The following A2ML1 variants were observed in gnomAD, a reference collection of about 807,000 sequenced individuals.
A2ML1 encodes alpha-2-macroglobulin like 1.
A2ML1 carries 161 observed loss-of-function variants against 181.9 expected under a neutral mutation model. The observed-to-expected ratio is 0.89, with a 90% CI of 0.78 to 1.01. The LOEUF is 1.01. A2ML1 is among the 50% of genes least tolerant of loss of function. The pLI, the probability that A2ML1 is intolerant of heterozygous loss-of-function variation, is 0.00. For missense variants in A2ML1, 1,670 were observed against 1,768.1 expected, an observed-to-expected ratio of 0.94 and a Z score of 1.00; for synonymous variants, 663 against 666.8, an observed-to-expected ratio of 0.99 and a Z score of 0.09.
intron 14 of A2ML1, 22 bp from the exon 15 acceptor site, chr12:8,847,527 G>C: frequency 6.3e-7 from 1 of 1,597,960 alleles, no homozygotes. Context: ...TGATCCCCAA[G>C]TTATACCTTT....
In A2ML1 at chr12:8,857,567, G is replaced by C. The variant is rs762232957; in HGVS notation, c.3086G>C (p.Arg1029Pro). ...GGCTCATACAGTGCCTTTGGGGAGC[G>C]AGATGGAAATGGAAACACATGGTAA... is the stretch of plus-strand genomic sequence containing the variant. Reference protein sequence around the residue: ...SNGSYSAFGERDGNGNTWLTA... With the variant: ...SNGSYSAFGEPDGNGNTWLTA... Residue 1029 changes from arginine to proline, a missense_variant, in exon 25 of 36, where the codon CGA becomes CCA. Transcript: ENST00000299698. 1.2e-6 allele frequency: 2 copies of C among 1,611,702 alleles called. No homozygotes were observed. Among genetic ancestry groups the C allele is most frequent in the Non-Finnish European group, 1.7e-6 (2 of 1,179,012 alleles).
intron 33 of A2ML1, 95 bp downstream of exon 33, chr12:8,869,298 G>T: frequency 3.9e-6 from 5 of 1,290,832 alleles, no homozygotes; most frequent in South Asian, 3.7e-5. Flanking sequence ...CACACATGGG[G>T]ATGAGGGGCC....
At position 8,851,925 on chromosome 12, in the gene A2ML1, T is replaced by C; in HGVS notation, c.2376T>C (p.Val792=). 1 of 1,614,216 alleles carries C rather than the reference T, an allele frequency of 6.2e-7. No individual in the cohort carries two copies. The highest frequency in any genetic ancestry group is 8.5e-7 in the Non-Finnish European group (1 of 1,180,040). The change falls in exon 19 of 36, where the codon GTT becomes GTC. Residue 792 remains valine (V), a synonymous_variant. Transcript: ENST00000299698. ...VGLTAFKPFF[V]DLTLPYSVVR... Reference sequence around the variant, plus strand: ...TAACTGCTTTCAAGCCGTTCTTTGTTGACCTGACTCTCCCTTACTCAGTAG... The same window carrying C: ...TAACTGCTTTCAAGCCGTTCTTTGTCGACCTGACTCTCCCTTACTCAGTAG...
In A2ML1 at chr12:8,868,571, A is replaced by G. The variant is rs1483959396; in HGVS notation, c.4096A>G (p.Ile1366Val). The change falls in exon 32 of 36, where the codon ATT becomes GTT. Residue 1366 changes from isoleucine (I) to valine (V), a missense_variant. Physicochemically the swap from Ile to Val is conservative, Grantham distance 29. Transcript: ENST00000299698. ...VGSRSSSNMA[I>V]VEVKMLSGFS... ...GAGCCGTAGCTCTTCCAATATGGCT[A>G]TTGTGGAAGTGAAGATGCTATCTGG... is the stretch of plus-strand genomic sequence containing the variant. The G allele has an allele frequency of 5.0e-6, 8 of 1,613,696 alleles. No homozygotes were observed. In the East Asian group the frequency reaches 6.7e-5, roughly 13 times the overall value.
Position 8,841,453 on chromosome 12 carries a change from C to T in A2ML1, c.1165C>T (p.Gln389Ter). ...TTATGGCACAAATGGAACCTTCAAC[C>T]AGACCCTGGTTACTGATAACAATGG... is the stretch of plus-strand genomic sequence containing the variant. ...VIYGTNGTFN[Q>*]TLVTDNNGLA... Residue 389 changes from glutamine to a stop codon, truncating the protein, a stop_gained, in exon 11 of 36, where the codon CAG becomes TAG. Coordinates refer to ENST00000299698, the MANE Select transcript of A2ML1 (RefSeq NM_144670.6). LOFTEE classifies it high-confidence loss of function. The T allele has an allele frequency of 2.5e-6, 4 of 1,614,160 alleles. No individual in the cohort carries two copies. The East Asian group carries it at 8.9e-5, about 36-fold the overall frequency.
intron 3 of A2ML1, among the ~76,000 whole-genome samples, chr12:8,828,560 C>G (rs1260821867): frequency 6.6e-6 from 1 of 152,152 alleles, no homozygotes; most frequent in South Asian, 2.1e-4. Flanking sequence ...CAGCCCATAA[C>G]TGGCGACCCC....
chr12:8,845,812 T>C (rs1453309046), intron 13 of A2ML1, among the ~76,000 whole-genome samples: 3 of 148,502 alleles, frequency 2.0e-5, no homozygotes, highest in African/African-American at 5.0e-5. Flanking sequence ...ATCATGCCAC[T>C]GCGCTCCAGC....
intron 18 of A2ML1, among the ~76,000 whole-genome samples, chr12:8,851,234 G>A (rs1412714709): frequency 1.3e-5 from 2 of 152,036 alleles, no homozygotes; most frequent in Non-Finnish European, 2.9e-5. Context: ...GACTCAGAGG[G>A]CACCAGCCTC....
At chr12:8,873,457 A>C (rs893009066) in intron 33 of A2ML1, among the ~76,000 whole-genome samples, 1 of 152,176 alleles carries the variant, frequency 6.6e-6, no homozygotes, top group Non-Finnish European at 1.5e-5. Flanking sequence ...TATTTACTGA[A>C]CAACCAACAT....
At chr12:8,850,432 A>G (rs188720182) in intron 18 of A2ML1, among the ~76,000 whole-genome samples, 158 bp downstream of exon 18, 1 of 152,098 alleles carries the variant, frequency 6.6e-6, no homozygotes, top group African/African-American at 2.4e-5. Context: ...AAAAGAAATT[A>G]AAAAAATAGC....
chr12:8,863,874 G>A lies in A2ML1; in HGVS notation c.3583G>A (p.Glu1195Lys). Reference sequence around the variant, plus strand: ...GTCTGAGCCTGCGGCTGTAGATGTGGAACTCACAGCATATGCATTGTTGGC... The same window carrying A: ...GTCTGAGCCTGCGGCTGTAGATGTGAAACTCACAGCATATGCATTGTTGGC... ...PWSEPAAVDV[E>K]LTAYALLAQL... Residue 1195 changes from glutamate to lysine, a missense_variant, in exon 29 of 36, where the codon GAA becomes AAA. Transcript: ENST00000299698. 2 of 1,614,186 alleles carry A rather than the reference G, an allele frequency of 1.2e-6. No individual in the cohort carries two copies. Among genetic ancestry groups the A allele is most frequent in the Non-Finnish European group, 1.7e-6 (2 of 1,180,026 alleles).
downstream of A2ML1, chr12:8,880,734 T>C (rs373009980): frequency 6.6e-6 from 1 of 152,222 alleles, no homozygotes; most frequent in South Asian, 2.1e-4. Flanking sequence ...ACCAGACAAT[T>C]ACACAGGTGG....
intron 12 of A2ML1, 133 bp downstream of exon 12, chr12:8,843,494 C>T: frequency 2.7e-6 from 2 of 746,928 alleles, no homozygotes; most frequent in Non-Finnish European, 4.1e-6. Context: ...TAAAGCCACA[C>T]TAAAAAAGTA....
chr12:8,841,059 C>T (rs1943464117), intron 10 of A2ML1, among the ~76,000 whole-genome samples: 1 of 142,312 alleles, frequency 7.0e-6, no homozygotes, highest in African/African-American at 2.7e-5. Context: ...AGCAAAACAA[C>T]GTGCAGAACC....
chr12:8,868,422 T>TTG (rs150983014), intron 31 of A2ML1, 65 bp downstream of exon 31: 107 of 1,438,168 alleles, frequency 7.4e-5, no homozygotes, highest in East Asian at 2.8e-4. Flanking sequence ...GCTGGGACAC[T>TTG]TGTGTGTGTG....
At position 8,850,230 on chromosome 12, in the gene A2ML1, C is replaced by T; in HGVS notation, c.2190C>T (p.Arg730=). 6.2e-7 allele frequency: 1 copy of T among 1,613,376 alleles called. No homozygotes were observed. The highest frequency in any genetic ancestry group is 8.5e-7 in the Non-Finnish European group (1 of 1,179,766). The change falls in exon 18 of 36, where the codon CGC becomes CGT. Residue 730 remains arginine (R), a synonymous_variant. Coordinates refer to ENST00000299698, the MANE Select transcript of A2ML1 (RefSeq NM_144670.6). ...PLHQAEDSQV[R]QYFPETWLWD... ...ATCAAGCAGAGGATTCTCAGGTCCG[C>T]CAGTACTTCCCAGAGACCTGGCTCT... is the stretch of plus-strand genomic sequence containing the variant.
At position 8,835,545 on chromosome 12, in the gene A2ML1, G is replaced by C; in HGVS notation, c.522G>C (p.Val174=). Residue 174 remains valine (V), a synonymous_variant, in exon 6 of 36, where the codon GTG becomes GTC. Coordinates refer to ENST00000299698, the MANE Select transcript of A2ML1 (RefSeq NM_144670.6). ...ACAGGATTGCACAGTGGCTGGAAGTGGTACCTGAGCAAGGCATTGTAGACC... is the reference window on the plus strand; with the variant it reads ...ACAGGATTGCACAGTGGCTGGAAGTCGTACCTGAGCAAGGCATTGTAGACC... ...NSNRIAQWLE[V]VPEQGIVDLS... 6.2e-7 allele frequency: 1 copy of C among 1,614,204 alleles called. No individual in the cohort carries two copies. The highest frequency in any genetic ancestry group is 8.5e-7 in the Non-Finnish European group (1 of 1,180,040).
rs891473133 is a variant in A2ML1 at position 8,846,359 on chromosome 12, T to G, written c.1683+137T>G. 4.9e-6 allele frequency: 5 copies of G among 1,028,132 alleles called. No individual in the cohort carries two copies. The African/African-American group carries it at 8.1e-5, about 17-fold the overall frequency. 63.7% of individuals were successfully genotyped at this position (1,028,132 alleles called of 1,614,324 possible). On this transcript the variant is annotated intron_variant, in intron 14 of 35. Coordinates refer to ENST00000299698, the MANE Select transcript of A2ML1 (RefSeq NM_144670.6). Reference sequence around the variant, plus strand: ...GGATGTTGTATTATATTTATATCTTTAGTGTTTGGGGTTTGTGTTGAAATC... The same window carrying G: ...GGATGTTGTATTATATTTATATCTTGAGTGTTTGGGGTTTGTGTTGAAATC...
intron 12 of A2ML1, chr12:8,844,994 T>C: frequency 7.1e-7 from 1 of 1,410,514 alleles, no homozygotes; most frequent in East Asian, 2.6e-5. Flanking sequence ...ATTTCTCCTC[T>C]AGAGGGTTCA....
Sources: gnomAD v4.1 joint callset for allele counts (sites outside exome capture counted in the v4.1 genomes callset) on GRCh38, gnomAD v4.1.1 for gene constraint, MANE v1.5 for transcripts, NCBI Gene and HGNC (gene_info 2026-07-23, HGNC 2026-07-21) for gene names.